Variants in ALG6 observed in about 807,000 individuals in gnomAD.
ALG6 encodes ALG6 alpha-1,3-glucosyltransferase.
Under a neutral mutation model 66.6 loss-of-function variants are expected in ALG6, and 46 were observed. The observed-to-expected ratio is 0.69, with a 90% CI of 0.55 to 0.88. The LOEUF is 0.88. Ranked by LOEUF, ALG6 falls within the 40% of genes least tolerant of loss-of-function variation. The pLI is 0.00. For missense variants in ALG6, 505 were observed against 586.8 expected (o/e 0.86, Z 1.44); for synonymous variants, 185 against 203.7 (o/e 0.91, Z 0.78).
chr1:63,371,795 G>A (rs1369595072), intron 2 of ALG6, among the ~76,000 whole-genome samples: 1 of 151,974 alleles, frequency 6.6e-6, no homozygotes, highest in East Asian at 1.9e-4. Context: ...AGTAGAGACG[G>A]GGTTTCACCA....
In ALG6 at chr1:63,370,902, G is replaced by T. The variant is rs777768835; in HGVS notation, c.-76G>T. ...GATAACATTTCTCTGAACAAGAAAA[G>T]AAGTGATTGACCACGTTTTAAAAGT... On this transcript the variant is annotated 5_prime_UTR_variant, in exon 2 of 15. Transcript: ENST00000263440. 22 of 865,676 alleles carry T rather than the reference G, an allele frequency of 2.5e-5. No homozygotes were observed. Among genetic ancestry groups the T allele is most frequent in the Non-Finnish European group, 4.2e-5 (21 of 497,116 alleles). The allele number at this position is 865,676 out of a possible 1,614,324, so 53.6% of individuals were successfully genotyped here.
chr1:63,368,761 A>G (rs1405867595), intron 1 of ALG6, among the ~76,000 whole-genome samples: 1 of 152,102 alleles, frequency 6.6e-6, no homozygotes, highest in African/African-American at 2.4e-5. Flanking sequence ...TCGGCCTCCC[A>G]AAGTGCTGGG....
chr1:63,392,105 A>T (rs551649662), intron 2 of ALG6, among the ~76,000 whole-genome samples: 4 of 152,180 alleles, frequency 2.6e-5, no homozygotes, highest in African/African-American at 9.6e-5. Flanking sequence ...CTAAAGTATG[A>T]CTGTGTTCCA....
intron 14 of ALG6, among the ~76,000 whole-genome samples, chr1:63,434,525 G>A (rs1477189184): frequency 4.6e-5 from 7 of 152,196 alleles, no homozygotes; most frequent in African/African-American, 9.7e-5. Flanking sequence ...AGAGTTTAGC[G>A]CAAGCTTGTC....
intron 14 of ALG6, among the ~76,000 whole-genome samples, chr1:63,434,679 C>A (rs1269554170): frequency 2.0e-5 from 3 of 152,112 alleles, no homozygotes; most frequent in African/African-American, 4.8e-5. Context: ...CAAGATAATT[C>A]TTCTTTTTCC....
At chr1:63,413,543 AGG>A in intron 9 of ALG6, 1 of 152,956 alleles carries the variant, frequency 6.5e-6, no homozygotes, top group Non-Finnish European at 1.5e-5. Flanking sequence ...TTTCACCACC[AGG>A]AGAGCTGTAG....
intron 10 of ALG6, 26 bp downstream of exon 10, chr1:63,414,172 G>A: frequency 1.4e-6 from 2 of 1,473,318 alleles, no homozygotes; most frequent in Middle Eastern, 3.5e-4. Context: ...TTTGTATGTA[G>A]TATTTTATAA....
intron 2 of ALG6, among the ~76,000 whole-genome samples, chr1:63,387,918 G>T (rs547960485): frequency 6.6e-6 from 1 of 151,808 alleles, no homozygotes; most frequent in Non-Finnish European, 1.5e-5. Flanking sequence ...GCTCTTTTTG[G>T]TTTCCATTTG....
chr1:63,413,943 A>C (rs1644529167), intron 9 of ALG6, 118 bp from the exon 10 acceptor site: 1 of 716,112 alleles, frequency 1.4e-6, no homozygotes, highest in Non-Finnish European at 2.5e-6. Context: ...TTTAGTTATA[A>C]TTGTGACTAA....
intron 14 of ALG6, among the ~76,000 whole-genome samples, chr1:63,434,427 G>A (rs1197192205): frequency 6.6e-6 from 1 of 152,124 alleles, no homozygotes; most frequent in Non-Finnish European, 1.5e-5. Flanking sequence ...GGAGTATGAG[G>A]AGACCAAGAG....
At chr1:63,428,515 T>C in intron 12 of ALG6, 1 of 385,934 alleles carries the variant, frequency 2.6e-6, no homozygotes, top group Non-Finnish European at 4.6e-6. Flanking sequence ...GCAGCAGTTT[T>C]CCAATTATTA....
At chr1:63,377,176 G>A (rs1377608349) in intron 2 of ALG6, among the ~76,000 whole-genome samples, 1 of 151,980 alleles carries the variant, frequency 6.6e-6, no homozygotes, top group African/African-American at 2.4e-5. Flanking sequence ...TGGCCAGGCT[G>A]GTCTTGAACT....
At chr1:63,382,885 C>G (rs1391359308) in intron 2 of ALG6, among the ~76,000 whole-genome samples, 1 of 152,026 alleles carries the variant, frequency 6.6e-6, no homozygotes, top group Non-Finnish European at 1.5e-5. Flanking sequence ...ACCATGTTAG[C>G]CAGGATGGTC....
chr1:63,411,176 G>A lies in ALG6; in HGVS notation c.525G>A (p.Leu175=). 6.2e-7 allele frequency: 1 copy of A among 1,613,792 alleles called. No homozygotes were observed. Among genetic ancestry groups the A allele is most frequent in the Non-Finnish European group, 8.5e-7 (1 of 1,179,870 alleles). Residue 175 remains leucine (L), a synonymous_variant, in exon 8 of 15, where the codon TTG becomes TTA. Transcript: ENST00000263440. ...QYNSVSLGFA[L]WGVLGISCDC... Reference sequence around the variant, plus strand: ...ATTCTGTGAGTCTTGGCTTTGCTTTGTGGGGTGTTCTTGGAATATCTTGTG... The same window carrying A: ...ATTCTGTGAGTCTTGGCTTTGCTTTATGGGGTGTTCTTGGAATATCTTGTG...
At chr1:63,369,293 A>G (rs774780588) in intron 1 of ALG6, among the ~76,000 whole-genome samples, 31 of 152,218 alleles carry the variant, frequency 2.0e-4, no homozygotes, top group African/African-American at 4.8e-4. Context: ...AGCCATTCCA[A>G]TCAGTTCTGG....
rs1429268440 is a variant in ALG6, at chr1:63,433,067, T to G, written c.1327-3756T>G. Among the ~76,000 whole-genome samples the G allele has an allele frequency of 6.6e-6, 1 of 152,116 alleles. No homozygotes were observed. Among genetic ancestry groups the G allele is most frequent in the Admixed American group, 6.5e-5 (1 of 15,270 alleles). On this transcript the variant is annotated intron_variant, in intron 14 of 14. Transcript: ENST00000263440. The surrounding 1 kb of genome is among the most constrained non-coding windows in gnomAD (Gnocchi z 4.2). ...ATGCAATTCTTCTGCCTCAGCCTCC[T>G]GAGTAGCTGGGACTACAGGCACGTG...
chr1:63,428,979 A>G lies in ALG6; in HGVS notation c.1179A>G (p.Thr393=). 1.2e-6 allele frequency: 2 copies of G among 1,613,140 alleles called. No individual in the cohort carries two copies. The highest frequency in any genetic ancestry group is 1.7e-6 in the Non-Finnish European group (2 of 1,179,684). Residue 393 remains threonine, a synonymous_variant, in exon 14 of 15, where the codon ACA becomes ACG. Transcript: ENST00000263440. The stretch of plus-strand genomic sequence containing the variant: ...AACTCCTAATGCCCTCTGTTGTGAC[A>G]ACAATGGCATTTTTTATAGCTTGTG... ...KDELLMPSVV[T]TMAFFIACVT... is the part of the protein sequence containing the mutation.
chr1:63,406,980 G>A (rs1409901596), intron 6 of ALG6, 82 bp from the exon 7 acceptor site: 18 of 999,012 alleles, frequency 1.8e-5, no homozygotes, highest in Non-Finnish European at 2.9e-5. Flanking sequence ...ATTTGCTAAT[G>A]TGTTAGATAA....
At chr1:63,402,372 A>G in intron 4 of ALG6, 29 bp downstream of exon 4, 1 of 1,477,846 alleles carries the variant, frequency 6.8e-7, no homozygotes. Flanking sequence ...ATGTAACTCT[A>G]AATTTTTATG....
Sources: gnomAD v4.1 joint callset for allele counts (sites outside exome capture counted in the v4.1 genomes callset) on GRCh38, gnomAD v4.1.1 for gene constraint, Gnocchi (gnomAD v3.1) non-coding constraint, MANE v1.5 for transcripts, NCBI Gene and HGNC (gene_info 2026-07-23, HGNC 2026-07-21) for gene names.